The following CAMTA1 variants were observed in gnomAD, a reference collection of about 807,000 sequenced individuals.
CAMTA1 encodes calmodulin-binding transcription activator 1.
CAMTA1 carries 27 observed loss-of-function variants against 170.9 expected under a neutral mutation model. That is an observed-to-expected ratio of 0.16 (90% confidence interval 0.12 to 0.22). CAMTA1 has a LOEUF of 0.22. Among genes scored for constraint, CAMTA1 ranks in the 10% least tolerant of loss-of-function variants. The pLI is 1.00. For missense variants in CAMTA1, 1,619 were observed against 2,217.2 expected (o/e 0.73, Z 5.42); for synonymous variants, 833 against 891.5 (o/e 0.93, Z 1.17).
chr1:7,324,181 G>A (rs1423355563), intron 5 of CAMTA1, among the ~76,000 whole-genome samples: 2 of 152,112 alleles, frequency 1.3e-5, no homozygotes, highest in Non-Finnish European at 2.9e-5. Context: ...ATATTGTTGG[G>A]TGTACACAAG....
At chr1:7,009,268 G>C (rs1394154106) in intron 3 of CAMTA1, among the ~76,000 whole-genome samples, 1 of 152,206 alleles carries the variant, frequency 6.6e-6, no homozygotes, top group East Asian at 1.9e-4. Context: ...GAGGTTTCTG[G>C]GGGGCTAGGA....
rs1173125275 is a variant in CAMTA1 at position 7,251,897 on chromosome 1, G to A, written c.438+2271G>A. On this transcript the variant is annotated intron_variant, in intron 5 of 22. Coordinates refer to ENST00000303635, the MANE Select transcript of CAMTA1 (RefSeq NM_015215.4). The surrounding 1 kb of genome is among the most constrained non-coding windows in gnomAD (Gnocchi z 5.1). ...TTTGTGTGTGTGTGTGTGCGTATGT[G>A]CAATTTACATATTGTTTGCAGTTTA... Among the ~76,000 whole-genome samples the A allele has an allele frequency of 2.0e-5, 3 of 152,072 alleles. No homozygotes were observed.
chr1:6,941,067 C>G (rs894804649), intron 3 of CAMTA1, among the ~76,000 whole-genome samples: 14 of 151,644 alleles, frequency 9.2e-5, no homozygotes, highest in African/African-American at 3.4e-4. Flanking sequence ...CATTTTCTGC[C>G]GAGGAGCCCA....
intron 5 of CAMTA1, among the ~76,000 whole-genome samples, chr1:7,330,824 G>T (rs970293236): frequency 6.6e-6 from 1 of 152,352 alleles, no homozygotes; most frequent in African/African-American, 2.4e-5. Flanking sequence ...TGGCCCGCAG[G>T]AGCTGTGTGC....
intron 6 of CAMTA1, among the ~76,000 whole-genome samples, chr1:7,501,232 G>C (rs984376616): frequency 6.6e-6 from 1 of 152,150 alleles, no homozygotes; most frequent in African/African-American, 2.4e-5. Flanking sequence ...GCAGAGCAAG[G>C]CATCAAGCTG....
chr1:7,758,891 C>T (rs146748655), intron 22 of CAMTA1, among the ~76,000 whole-genome samples: 3,646 of 140,644 alleles, frequency 0.026, 133 homozygotes, highest in African/African-American at 0.092. Flanking sequence ...GCCGAGATAG[C>T]GCCACTGCAG....
chr1:7,546,655 G>A (rs72865449), intron 6 of CAMTA1, among the ~76,000 whole-genome samples: 4 of 152,006 alleles, frequency 2.6e-5, no homozygotes, highest in East Asian at 1.9e-4. Context: ...CTGCAACATC[G>A]CCAGCATCTG....
intron 5 of CAMTA1, among the ~76,000 whole-genome samples, chr1:7,419,726 C>CA (rs1288199595): frequency 6.6e-6 from 1 of 152,154 alleles, no homozygotes; most frequent in Non-Finnish European, 1.5e-5. Flanking sequence ...CACACCCCAC[C>CA]ACCACCCAGC....
intron 3 of CAMTA1, among the ~76,000 whole-genome samples, chr1:6,884,913 C>T (rs1672765854): frequency 6.6e-6 from 1 of 152,166 alleles, no homozygotes; most frequent in Non-Finnish European, 1.5e-5. Flanking sequence ...CTTCCCGCAC[C>T]ATTGTATTCA....
intron 3 of CAMTA1, among the ~76,000 whole-genome samples, chr1:6,894,620 T>C (rs1397115706): frequency 6.6e-6 from 1 of 152,236 alleles, no homozygotes; most frequent in Non-Finnish European, 1.5e-5. Context: ...TAAAATAGTT[T>C]TTTAATCTTC....
chr1:7,187,655 T>C (rs1653655657), intron 4 of CAMTA1, among the ~76,000 whole-genome samples: 1 of 152,200 alleles, frequency 6.6e-6, no homozygotes, highest in Middle Eastern at 3.2e-3. Context: ...AAGAGGCACA[T>C]CAGTTCACCT....
At chr1:6,912,069 T>TGGTG (rs1190187862) in intron 3 of CAMTA1, among the ~76,000 whole-genome samples, 1 of 152,196 alleles carries the variant, frequency 6.6e-6, no homozygotes, top group African/African-American at 2.4e-5. Context: ...ATCCCCGGAT[T>TGGTG]GGTGGGTGGC....
intron 10 of CAMTA1, among the ~76,000 whole-genome samples, chr1:7,672,652 C>T (rs905743496): frequency 5.3e-5 from 8 of 152,100 alleles, no homozygotes; most frequent in Non-Finnish European, 1.2e-4. Flanking sequence ...GAACTCCTGA[C>T]GCAAGTGATC....
At chr1:7,374,459 A>C (rs1242311589) in intron 5 of CAMTA1, among the ~76,000 whole-genome samples, 3 of 152,258 alleles carry the variant, frequency 2.0e-5, no homozygotes, top group Non-Finnish European at 1.5e-5. Context: ...CAGAGGACGC[A>C]GGCATGGGGA....
At chr1:7,066,766 A>G (rs1008885275) in intron 3 of CAMTA1, among the ~76,000 whole-genome samples, 2 of 152,226 alleles carry the variant, frequency 1.3e-5, no homozygotes, top group African/African-American at 2.4e-5. Context: ...TGTTAGCCCC[A>G]TGTTCAGGGC....
At chr1:7,647,385 G>C (rs970336236) in intron 7 of CAMTA1, among the ~76,000 whole-genome samples, 22 of 152,050 alleles carry the variant, frequency 1.4e-4, no homozygotes, top group African/African-American at 4.8e-4. Context: ...CCTGGGGCTC[G>C]CGGAGCCGTT....
At chr1:7,328,791 C>G (rs979523987) in intron 5 of CAMTA1, among the ~76,000 whole-genome samples, 1 of 151,958 alleles carries the variant, frequency 6.6e-6, no homozygotes, top group East Asian at 1.9e-4. Flanking sequence ...TTTACCTTTT[C>G]CCCCCAAATC....
At chr1:7,114,726 C>T (rs919616208) in intron 4 of CAMTA1, among the ~76,000 whole-genome samples, 11 of 151,104 alleles carry the variant, frequency 7.3e-5, no homozygotes, top group African/African-American at 2.7e-4. Context: ...CCCAGGAGAG[C>T]TGATGGTGGT....
At chr1:7,617,312 A>G (rs2095565689) in intron 6 of CAMTA1, among the ~76,000 whole-genome samples, 1 of 152,240 alleles carries the variant, frequency 6.6e-6, no homozygotes, top group African/African-American at 2.4e-5. Flanking sequence ...AAGAGATGAC[A>G]GAGCACAAAA....
Sources: gnomAD v4.1 joint callset for allele counts (sites outside exome capture counted in the v4.1 genomes callset) on GRCh38, gnomAD v4.1.1 for gene constraint, Gnocchi (gnomAD v3.1) non-coding constraint, MANE v1.5 for transcripts, NCBI Gene and HGNC (gene_info 2026-07-23, HGNC 2026-07-21) for gene names.